Variants in CERS3 observed in about 807,000 individuals in gnomAD.
The protein encoded by CERS3 is ceramide synthase 3, also known as LAG1 homolog, ceramide synthase 3.
In CERS3, 33 loss-of-function variants were observed where a neutral mutation model predicts 50.3. The ratio of observed to expected loss-of-function variants is 0.66; its 90% CI spans 0.50 to 0.88. The LOEUF (loss-of-function observed/expected upper bound fraction) is 0.88. CERS3 is among the 40% of genes least tolerant of loss of function. The pLI is 0.00. For synonymous variants in CERS3, 176 were observed against 155.2 expected, an observed-to-expected ratio of 1.13 and a Z score of -0.99; for missense variants, 470 against 460.3, an observed-to-expected ratio of 1.02 and a Z score of -0.19.
chr15:100,446,282 T>G (rs1035586174), intron 11 of CERS3, among the ~76,000 whole-genome samples: 1 of 151,840 alleles, frequency 6.6e-6, no homozygotes, highest in Non-Finnish European at 1.5e-5. Flanking sequence ...TTTTTTTTTT[T>G]GGCACCACAA....
At chr15:100,429,400 T>C (rs887799677) in intron 11 of CERS3, among the ~76,000 whole-genome samples, 1 of 152,182 alleles carries the variant, frequency 6.6e-6, no homozygotes, top group African/African-American at 2.4e-5. Flanking sequence ...TCTGTAGACC[T>C]ACAGGTTTGA....
chr15:100,402,883 T>A lies in CERS3; in HGVS notation c.1000-18A>T, dbSNP rs1466704782. 6.4e-7 allele frequency: 1 copy of A among 1,568,488 alleles called. No individual in the cohort carries two copies. The highest frequency in any genetic ancestry group is 8.7e-7 in the Non-Finnish European group (1 of 1,155,272). ...TGGATGCTCTAGACAAAGGAAAGAA[T>A]TGGCTGTGAGTGACAATCTTCCAGG... On this transcript the variant is annotated intron_variant, in intron 11 of 11. Transcript: ENST00000679737.
chr15:100,413,810 C>T (rs2031682227), intron 11 of CERS3, among the ~76,000 whole-genome samples: 2 of 150,596 alleles, frequency 1.3e-5, no homozygotes, highest in Non-Finnish European at 3.0e-5. Flanking sequence ...TTATAAACAC[C>T]TCTATGCACA....
At chr15:100,470,349 G>C (rs2034925492) in intron 9 of CERS3, among the ~76,000 whole-genome samples, 1 of 152,334 alleles carries the variant, frequency 6.6e-6, no homozygotes, top group East Asian at 1.9e-4. Flanking sequence ...ATTCCAGAAA[G>C]GGTTCACGTG....
intron 11 of CERS3, among the ~76,000 whole-genome samples, chr15:100,418,126 T>C (rs2032108996): frequency 6.6e-6 from 1 of 151,726 alleles, no homozygotes; most frequent in Admixed American, 6.6e-5. Flanking sequence ...GACGATCAAA[T>C]TACTCTGAGC....
intron 10 of CERS3, 44 bp downstream of exon 10, chr15:100,469,334 T>C (rs754016611): frequency 1.3e-6 from 2 of 1,492,714 alleles, no homozygotes; most frequent in Admixed American, 3.3e-5. Context: ...TGAGGCCACC[T>C]CTGCACACTG....
chr15:100,447,847 C>T (rs117264412), intron 11 of CERS3, among the ~76,000 whole-genome samples: 224 of 152,300 alleles, frequency 1.5e-3, no homozygotes, highest in Non-Finnish European at 2.7e-3. Context: ...CAGGGATTAT[C>T]TTATTCATCT....
At chr15:100,418,096 G>A (rs1656003838) in intron 11 of CERS3, among the ~76,000 whole-genome samples, 1 of 151,980 alleles carries the variant, frequency 6.6e-6, no homozygotes, top group South Asian at 2.1e-4. Context: ...ACTTTGACGA[G>A]CTGAGAGAAG....
intron 3 of CERS3, among the ~76,000 whole-genome samples, chr15:100,494,959 T>G (rs2035766418): frequency 6.6e-6 from 1 of 152,254 alleles, no homozygotes; most frequent in Non-Finnish European, 1.5e-5. Context: ...TTTGGTCATT[T>G]TATTGTTTGC....
At chr15:100,448,950 G>A (rs2034049304) in intron 11 of CERS3, among the ~76,000 whole-genome samples, 1 of 152,168 alleles carries the variant, frequency 6.6e-6, no homozygotes. Flanking sequence ...GATGAAGCTT[G>A]TGCTCCCTAG....
intron 1 of CERS3, among the ~76,000 whole-genome samples, chr15:100,523,875 T>C (rs562159420): frequency 1.3e-4 from 20 of 152,306 alleles, no homozygotes; most frequent in African/African-American, 4.6e-4. Flanking sequence ...AGCTGCCATA[T>C]TGGACAGTGA....
intron 11 of CERS3, among the ~76,000 whole-genome samples, chr15:100,417,828 C>T (rs2032072281): frequency 6.6e-6 from 1 of 151,872 alleles, no homozygotes; most frequent in East Asian, 1.9e-4. Flanking sequence ...CACACTGACA[C>T]CTCACACAGC....
chr15:100,450,094 A>G (rs2034098802), intron 11 of CERS3, among the ~76,000 whole-genome samples: 1 of 152,088 alleles, frequency 6.6e-6, no homozygotes, highest in South Asian at 2.1e-4. Flanking sequence ...ATTCATTTGA[A>G]TGAAATACAA....
At chr15:100,472,813 G>A (rs1447280154) in intron 9 of CERS3, 111 bp downstream of exon 9, 1 of 1,216,974 alleles carries the variant, frequency 8.2e-7, no homozygotes, top group African/African-American at 1.5e-5. Context: ...TCAGAATTTG[G>A]GTGTTTTCAG....
At chr15:100,512,156 C>A (rs1249193922) in intron 2 of CERS3, among the ~76,000 whole-genome samples, 5 of 152,158 alleles carry the variant, frequency 3.3e-5, no homozygotes, top group Non-Finnish European at 7.3e-5. Context: ...TACAGGGCTT[C>A]TTTCTTGAAG....
intron 11 of CERS3, among the ~76,000 whole-genome samples, chr15:100,407,390 T>C (rs2142048808): frequency 6.6e-6 from 1 of 152,346 alleles, no homozygotes; most frequent in Non-Finnish European, 1.5e-5. Flanking sequence ...GGTTAGAGAA[T>C]ACTACTGATG....
intron 11 of CERS3, among the ~76,000 whole-genome samples, chr15:100,417,867 G>A (rs1289398085): frequency 6.6e-6 from 1 of 151,820 alleles, no homozygotes; most frequent in African/African-American, 2.4e-5. Flanking sequence ...TGCAGCTGAG[G>A]GTCCTCTCTG....
chr15:100,405,569 G>GT (rs1284671010), intron 11 of CERS3, among the ~76,000 whole-genome samples: 1 of 152,168 alleles, frequency 6.6e-6, no homozygotes, highest in Non-Finnish European at 1.5e-5. Context: ...ATTATGCTGA[G>GT]TAAAAAAATG....
chr15:100,405,249 CAAAAAA>C (rs945329307), intron 11 of CERS3, among the ~76,000 whole-genome samples: 2 of 39,178 alleles, frequency 5.1e-5, no homozygotes, highest in South Asian at 8.6e-4. Context: ...AAAAAAAAAA[CAAAAAA>C]AAACCCCTAA....
Sources: gnomAD v4.1 joint callset for allele counts (sites outside exome capture counted in the v4.1 genomes callset) on GRCh38, gnomAD v4.1.1 for gene constraint, MANE v1.5 for transcripts, NCBI Gene and HGNC (gene_info 2026-07-23, HGNC 2026-07-21) for gene names.